Variants in BPIFC observed in about 807,000 individuals in gnomAD.
BPIFC encodes BPI fold containing family C.
A neutral mutation model predicts 57.6 loss-of-function variants in BPIFC; 60 were observed. The ratio of observed to expected loss-of-function variants is 1.04; its 90% CI spans 0.85 to 1.29. The LOEUF is 1.29. Among genes scored for constraint, BPIFC ranks in the 50% most tolerant of loss-of-function variants. The pLI is 0.00. For synonymous variants in BPIFC, 243 were observed against 224.5 expected (o/e 1.08, Z -0.74); for missense variants, 581 against 600.5 (o/e 0.97, Z 0.34).
intron 9 of BPIFC, 60 bp downstream of exon 9, chr22:32,437,700 T>C (rs1934447239): frequency 7.8e-7 from 1 of 1,281,522 alleles, no homozygotes; most frequent in South Asian, 1.2e-5. Flanking sequence ...CCATAATCAT[T>C]GTTTTCTAAA....
intron 16 of BPIFC, among the ~76,000 whole-genome samples, chr22:32,414,769 G>A (rs919831758): frequency 1.3e-5 from 2 of 152,142 alleles, no homozygotes; most frequent in African/African-American, 4.8e-5. Context: ...AAAGTGCTAG[G>A]ATTACAAGCA....
At chr22:32,426,433 C>G (rs533635918) in intron 13 of BPIFC, among the ~76,000 whole-genome samples, 12 of 152,320 alleles carry the variant, frequency 7.9e-5, no homozygotes, top group South Asian at 6.2e-4. Context: ...TCTGCAAAGT[C>G]TTGCCTCCTG....
In BPIFC at chr22:32,414,238, C is replaced by T. The variant is rs527891427; in HGVS notation, c.*65G>A. Reference sequence around the variant, plus strand: ...TTCCAGTGTGTACTGTCTTTCCCTTCTGGGTTTACAGTAGTTGTAGGATTA... The same window carrying T: ...TTCCAGTGTGTACTGTCTTTCCCTTTTGGGTTTACAGTAGTTGTAGGATTA... On this transcript the variant is annotated 3_prime_UTR_variant, in exon 17 of 17. Coordinates refer to ENST00000300399, the MANE Select transcript of BPIFC (RefSeq NM_174932.3). The T allele has an allele frequency of 2.1e-4, 339 of 1,582,288 alleles. No homozygotes were observed. The highest frequency in any genetic ancestry group is 2.8e-4 in the Non-Finnish European group (327 of 1,163,322).
At chr22:32,443,916 G>A (rs756939956) in intron 7 of BPIFC, among the ~76,000 whole-genome samples, 15 of 152,116 alleles carry the variant, frequency 9.9e-5, no homozygotes, top group Middle Eastern at 3.2e-3. Flanking sequence ...GAGGCATGAC[G>A]GTCCCCTAAT....
chr22:32,426,931 C>A (rs1934086410), intron 13 of BPIFC, among the ~76,000 whole-genome samples: 1 of 151,856 alleles, frequency 6.6e-6, no homozygotes, highest in Non-Finnish European at 1.5e-5. Context: ...AATTCTTAAT[C>A]CTTTTGAAAA....
rs192503076 is a variant in BPIFC at position 32,442,302 on chromosome 22, T to G, written c.655+369A>C. 4.1e-3 allele frequency among the ~76,000 whole-genome samples: 628 copies of G among 152,274 alleles called. 6 individuals carry two copies. The highest frequency in any genetic ancestry group is 0.014 in the African/African-American group (589 of 41,548). On this transcript the variant is annotated intron_variant, in intron 8 of 16. Transcript: ENST00000300399. The stretch of plus-strand genomic sequence containing the variant: ...TCCATGCTAAGGTGCGAGGACTTGA[T>G]GCTCAGGGCAGCCACTGCAGGCTGA...
chr22:32,430,666 G>C (rs1484946003), intron 13 of BPIFC, among the ~76,000 whole-genome samples: 2 of 150,952 alleles, frequency 1.3e-5, no homozygotes, highest in African/African-American at 4.8e-5. Context: ...TGAGAGACAA[G>C]GTCTCATTCT....
At chr22:32,446,457 C>T (rs117183167) in intron 5 of BPIFC, among the ~76,000 whole-genome samples, 1 of 152,294 alleles carries the variant, frequency 6.6e-6, no homozygotes, top group East Asian at 1.9e-4. Flanking sequence ...TGGCCTGACA[C>T]AGAGTAAGTA....
chr22:32,421,630 C>T (rs1933850173), intron 13 of BPIFC, among the ~76,000 whole-genome samples: 1 of 152,162 alleles, frequency 6.6e-6, no homozygotes, highest in Admixed American at 6.6e-5. Context: ...TACAGAGGTA[C>T]TTAATGTTCA....
At chr22:32,461,226 A>G (rs1935153773) in intron 2 of BPIFC, among the ~76,000 whole-genome samples, 1 of 152,190 alleles carries the variant, frequency 6.6e-6, no homozygotes, top group South Asian at 2.1e-4. Flanking sequence ...TACCACTGAT[A>G]TGGCCTTATG....
At chr22:32,424,681 TTCTTCTTCTTCCTCTTCTTCTTCC>T (rs1425187830) in intron 13 of BPIFC, among the ~76,000 whole-genome samples, 11 of 72,728 alleles carry the variant, frequency 1.5e-4, no homozygotes, top group South Asian at 4.1e-4. Context: ...CTTCTTCTTC[TTCTTCTTCTTCCTCTTCTTCTTCC>T]TCTTCTTCTT....
chr22:32,434,086 A>ATG (rs1174845904), intron 10 of BPIFC, among the ~76,000 whole-genome samples: 3 of 149,660 alleles, frequency 2.0e-5, no homozygotes, highest in Non-Finnish European at 4.4e-5. Context: ...TTTTAGTTAT[A>ATG]TATATATATA....
Position 32,414,190 on chromosome 22 carries a change from A to G in BPIFC, c.*113T>C, listed in dbSNP as rs569610215. 7.0e-7 allele frequency: 1 copy of G among 1,423,726 alleles called. No homozygotes were observed. The highest frequency in any genetic ancestry group is 9.5e-7 in the Non-Finnish European group (1 of 1,056,842). The allele number at this position is 1,423,726 out of a possible 1,614,324, so 88.2% of individuals were successfully genotyped here. On this transcript the variant is annotated 3_prime_UTR_variant, in exon 17 of 17. Transcript: ENST00000300399. ...CTTAAGAAAGAAAACTTTCTGCCTA[A>G]GCAATTCACAAGGGCTTTACAATTC...
At chr22:32,436,367 G>C (rs200780710) in intron 9 of BPIFC, among the ~76,000 whole-genome samples, 1 of 86,128 alleles carries the variant, frequency 1.2e-5, no homozygotes. Context: ...AGGAGGAGGA[G>C]GAGGAGGAGG....
intron 13 of BPIFC, among the ~76,000 whole-genome samples, chr22:32,424,510 T>C (rs941125518): frequency 6.6e-6 from 1 of 150,712 alleles, no homozygotes; most frequent in Non-Finnish European, 1.5e-5. Flanking sequence ...TCCATGCTTA[T>C]GGGTTTCCTC....
chr22:32,417,025 G>T, intron 15 of BPIFC, 60 bp downstream of exon 15: 2 of 1,327,372 alleles, frequency 1.5e-6, no homozygotes, highest in Non-Finnish European at 2.2e-6. Flanking sequence ...CAGTGCAGCC[G>T]ATGCAGATGT....
chr22:32,429,527 T>G (rs977173206), intron 13 of BPIFC, among the ~76,000 whole-genome samples: 1 of 142,748 alleles, frequency 7.0e-6, no homozygotes, highest in African/African-American at 2.6e-5. Flanking sequence ...TTTTTTTTTT[T>G]TTTTTTTTTC....
At chr22:32,457,191 G>C in intron 3 of BPIFC, 72 bp downstream of exon 3, 1 of 1,518,834 alleles carries the variant, frequency 6.6e-7, no homozygotes, top group Non-Finnish European at 8.8e-7. Context: ...CCCATGTTAT[G>C]AGCTGTTCAG....
chr22:32,447,099 G>A lies in BPIFC; in HGVS notation c.374+113C>T, dbSNP rs988078810. On this transcript the variant is annotated intron_variant, in intron 5 of 16. Coordinates refer to ENST00000300399, the MANE Select transcript of BPIFC (RefSeq NM_174932.3). The stretch of plus-strand genomic sequence containing the variant: ...GAAAAAAATGCTTTTGAGAAAGATT[G>A]TTAATAATGAGGGAAAGAAGCCTAT... The A allele has an allele frequency of 3.0e-6, 4 of 1,354,242 alleles. No homozygotes were observed. The East Asian group carries it at 7.5e-5, about 25-fold the overall frequency. 83.9% of individuals were successfully genotyped at this position (1,354,242 alleles called of 1,614,324 possible).
Sources: gnomAD v4.1 joint callset for allele counts (sites outside exome capture counted in the v4.1 genomes callset) on GRCh38, gnomAD v4.1.1 for gene constraint, MANE v1.5 for transcripts, NCBI Gene and HGNC (gene_info 2026-07-23, HGNC 2026-07-21) for gene names.